ASIC2: variants seen among roughly 807,000 people sequenced by gnomAD.
ASIC2 encodes acid-sensing ion channel 2.
In ASIC2, 25 loss-of-function variants were observed where a neutral mutation model predicts 57.3. That is an observed-to-expected ratio of 0.44 (90% CI 0.32 to 0.61). The LOEUF (loss-of-function observed/expected upper bound fraction) is 0.61, where lower values mean the gene tolerates loss of function less well. ASIC2 is among the 20% of genes least tolerant of loss of function. ASIC2 has a pLI of 0.06. For missense variants in ASIC2, 641 were observed against 738.1 expected (o/e 0.87, Z 1.52); for synonymous variants, 319 against 307.5 (o/e 1.04, Z -0.39).
intron 1 of ASIC2, among the ~76,000 whole-genome samples, chr17:33,924,085 T>C (rs1324940975): frequency 6.6e-6 from 1 of 152,204 alleles, no homozygotes; most frequent in Non-Finnish European, 1.5e-5. Flanking sequence ...CTGAAACATC[T>C]AAGTTTCAGG....
chr17:34,015,276 T>C (rs1906911828), intron 1 of ASIC2, among the ~76,000 whole-genome samples: 1 of 152,100 alleles, frequency 6.6e-6, no homozygotes, highest in Admixed American at 6.5e-5. Flanking sequence ...TTACTTCCAA[T>C]GTGCAAGGGT....
intron 1 of ASIC2, among the ~76,000 whole-genome samples, chr17:33,493,015 GT>G (rs1353346218): frequency 6.6e-6 from 1 of 152,216 alleles, no homozygotes; most frequent in Non-Finnish European, 1.5e-5. Context: ...AGTCAGTCAA[GT>G]TTTCCAAATG....
chr17:33,787,683 G>C (rs150270194), intron 1 of ASIC2, among the ~76,000 whole-genome samples: 104 of 152,322 alleles, frequency 6.8e-4, no homozygotes, highest in Middle Eastern at 3.4e-3. Context: ...TGTTGTATCA[G>C]TAGTTTCTGC....
intron 3 of ASIC2, among the ~76,000 whole-genome samples, chr17:33,066,380 C>G (rs1484428622): frequency 6.6e-6 from 1 of 152,182 alleles, no homozygotes; most frequent in Non-Finnish European, 1.5e-5. Context: ...GTCCTGGACC[C>G]CATGACCCAT....
At position 33,341,832 on chromosome 17, in the gene ASIC2, G is replaced by T. The variant is rs895909889; in HGVS notation, c.556-229765C>A. ...TGGCTGTTGGGATAAACTAGAGGGG[G>T]CTCTGAGGAAGGTTGGGTTAAGTTG... On this transcript the variant is annotated intron_variant, in intron 1 of 9. Coordinates refer to the ASIC2 transcript ENST00000359872. 3.3e-5 allele frequency among the ~76,000 whole-genome samples: 5 copies of T among 152,150 alleles called. 1 individual carries two copies. The South Asian group carries it at 1.0e-3, about 32-fold the overall frequency.
At chr17:33,644,077 G>T (rs1906668003) in intron 1 of ASIC2, among the ~76,000 whole-genome samples, 1 of 152,112 alleles carries the variant, frequency 6.6e-6, no homozygotes, top group East Asian at 1.9e-4. Context: ...CTACTGATGG[G>T]AGCACCATGG....
At chr17:33,536,720 AG>A (rs1371093315) in intron 1 of ASIC2, among the ~76,000 whole-genome samples, 1 of 152,152 alleles carries the variant, frequency 6.6e-6, no homozygotes, top group African/African-American at 2.4e-5. Context: ...TAAAAGTGTA[AG>A]TGAGGCCAGG....
rs145337105 is a variant in ASIC2, at chr17:33,914,027, G to A, written c.555+241951C>T. On this transcript the variant is annotated intron_variant, in intron 1 of 9. Transcript: ENST00000359872. ...TACTTACTAAACTTTATCGCAGGGC[G>A]AGACCATAATCCCAGGGAATCATAA... Among the ~76,000 whole-genome samples, 454 of 152,276 alleles carry A rather than the reference G, an allele frequency of 3.0e-3. 4 individuals are homozygous for A. The highest frequency in any genetic ancestry group is 0.01 in the African/African-American group (431 of 41,536).
At chr17:33,226,541 T>G (rs1252087857) in intron 1 of ASIC2, among the ~76,000 whole-genome samples, 2 of 152,210 alleles carry the variant, frequency 1.3e-5, no homozygotes, top group Non-Finnish European at 2.9e-5. Context: ...TGAATGTCTC[T>G]CCTCTTCTTG....
chr17:33,905,830 C>T (rs954799426), intron 1 of ASIC2, among the ~76,000 whole-genome samples: 15 of 151,664 alleles, frequency 9.9e-5, no homozygotes, highest in Admixed American at 2.6e-4. Flanking sequence ...TGTTTTTTTG[C>T]ATCAGGTTCT....
At chr17:33,793,758 C>G (rs1350003833) in intron 1 of ASIC2, 1 of 152,178 alleles carries the variant, frequency 6.6e-6, no homozygotes, top group Non-Finnish European at 1.5e-5. Flanking sequence ...TTGAATGCTT[C>G]TATCTACCAA....
chr17:33,720,646 A>G (rs2142083245), intron 1 of ASIC2, among the ~76,000 whole-genome samples: 1 of 152,332 alleles, frequency 6.6e-6, no homozygotes, highest in East Asian at 1.9e-4. Context: ...CAGAGTTGTT[A>G]GGTGATAGCA....
At chr17:33,319,786 G>A (rs959468453) in intron 1 of ASIC2, among the ~76,000 whole-genome samples, 1 of 152,040 alleles carries the variant, frequency 6.6e-6, no homozygotes, top group Non-Finnish European at 1.5e-5. Flanking sequence ...TACCCTCCTC[G>A]GCCTCCCAAA....
At chr17:33,062,936 T>TCA (rs2092026909) in intron 3 of ASIC2, among the ~76,000 whole-genome samples, 1 of 152,238 alleles carries the variant, frequency 6.6e-6, no homozygotes, top group Non-Finnish European at 1.5e-5. Flanking sequence ...TTGTCTCTTT[T>TCA]GATCTTTGTT....
chr17:33,184,673 C>T (rs1847765476), intron 1 of ASIC2, among the ~76,000 whole-genome samples: 1 of 152,160 alleles, frequency 6.6e-6, no homozygotes, highest in African/African-American at 2.4e-5. Flanking sequence ...TCCTTTGCTG[C>T]CCTATTTACA....
intron 1 of ASIC2, among the ~76,000 whole-genome samples, chr17:33,275,345 G>A (rs1307177067): frequency 6.6e-6 from 1 of 152,054 alleles, no homozygotes; most frequent in Non-Finnish European, 1.5e-5. Context: ...CTGCTTTTTC[G>A]AAAATCTGAA....
chr17:33,258,408 G>C (rs1025479031), intron 1 of ASIC2, among the ~76,000 whole-genome samples: 1 of 152,228 alleles, frequency 6.6e-6, no homozygotes, highest in Non-Finnish European at 1.5e-5. Flanking sequence ...CAGGGTAAGG[G>C]ACAGAGAAGG....
At chr17:33,441,182 C>G (rs925838468) in intron 1 of ASIC2, among the ~76,000 whole-genome samples, 19 of 152,058 alleles carry the variant, frequency 1.2e-4, no homozygotes, top group African/African-American at 4.6e-4. Context: ...AGCTATGTTG[C>G]CTAGTTTGGT....
chr17:33,804,561 G>A (rs536199398), intron 1 of ASIC2, among the ~76,000 whole-genome samples: 2 of 152,282 alleles, frequency 1.3e-5, no homozygotes, highest in Non-Finnish European at 2.9e-5. Flanking sequence ...GCTGGTGCTG[G>A]GTGCTGGGTG....
Sources: gnomAD v4.1 joint callset for allele counts (sites outside exome capture counted in the v4.1 genomes callset) on GRCh38, gnomAD v4.1.1 for gene constraint, MANE v1.5 for transcripts, NCBI Gene and HGNC (gene_info 2026-07-23, HGNC 2026-07-21) for gene names.